SIL1: variants seen among roughly 807,000 people sequenced by gnomAD.
The protein encoded by SIL1 is SIL1 nucleotide exchange factor, also known as nucleotide exchange factor SIL1.
In SIL1, 40 loss-of-function variants were observed where a neutral mutation model predicts 49.1. The ratio of observed to expected loss-of-function variants is 0.81; its 90% confidence interval spans 0.63 to 1.06. SIL1 has a LOEUF of 1.06. Among genes scored for constraint, SIL1 ranks in the 50% least tolerant of loss-of-function variants. The pLI is 0.00. For synonymous variants in SIL1, 253 were observed against 250.8 expected (o/e 1.01, Z -0.08); for missense variants, 500 against 572.6 (o/e 0.87, Z 1.29).
intron 6 of SIL1, chr5:139,021,874 A>G (rs1768537507): frequency 5.4e-6 from 1 of 186,216 alleles, no homozygotes; most frequent in African/African-American, 2.4e-5. Flanking sequence ...ATGCAAGAAA[A>G]TCGCTCTCCC....
chr5:139,116,731 C>T (rs1334832890), intron 3 of SIL1, among the ~76,000 whole-genome samples: 1 of 152,262 alleles, frequency 6.6e-6, no homozygotes, highest in Non-Finnish European at 1.5e-5. Context: ...CCCACCTCAG[C>T]CTCCTGAGTA....
At chr5:139,181,837 T>C (rs1751988441) in intron 1 of SIL1, among the ~76,000 whole-genome samples, 1 of 152,200 alleles carries the variant, frequency 6.6e-6, no homozygotes, top group South Asian at 2.1e-4. Flanking sequence ...CTGCAGACTA[T>C]CAATATGCCT....
intron 7 of SIL1, among the ~76,000 whole-genome samples, chr5:138,976,053 A>G (rs11739351): frequency 0.31 from 47,315 of 152,160 alleles, 7,607 homozygotes; most frequent in Middle Eastern, 0.38. Flanking sequence ...AGAAGAACCA[A>G]ACCTGGTGTC....
chr5:138,996,835 T>A (rs930396971), intron 7 of SIL1, among the ~76,000 whole-genome samples: 1 of 152,152 alleles, frequency 6.6e-6, no homozygotes, highest in African/African-American at 2.4e-5. Context: ...ATTTTTAGCT[T>A]GATGTAATCT....
intron 3 of SIL1, among the ~76,000 whole-genome samples, chr5:139,065,003 G>A (rs1769673566): frequency 6.6e-6 from 1 of 152,162 alleles, no homozygotes; most frequent in East Asian, 1.9e-4. Context: ...CCAGCTATGA[G>A]AAAAAGACCA....
rs190324054 is a variant in SIL1, at chr5:139,184,257, C to T, written c.-11+14012G>A. On this transcript the variant is annotated intron_variant, in intron 1 of 9. Transcript: ENST00000394817. ...GCCTCATTGCTACAAGAACTAAGAA[C>T]AAGGTACATTAATAGGAGACAAAGC... Among the ~76,000 whole-genome samples, 121 of 152,248 alleles carry T rather than the reference C, an allele frequency of 7.9e-4. 1 individual carries two copies. Among genetic ancestry groups the T allele is most frequent in the African/African-American group, 2.8e-3 (116 of 41,538 alleles).
chr5:139,085,778 G>T (rs969219541), intron 3 of SIL1, among the ~76,000 whole-genome samples: 13 of 152,276 alleles, frequency 8.5e-5, no homozygotes, highest in African/African-American at 2.9e-4. Context: ...TGAGGATGAG[G>T]CTGGAAACAC....
At chr5:138,955,357 C>T (rs1446475634) in intron 7 of SIL1, among the ~76,000 whole-genome samples, 1 of 152,198 alleles carries the variant, frequency 6.6e-6, no homozygotes, top group Non-Finnish European at 1.5e-5. Flanking sequence ...GGCAAGTCAG[C>T]TGTCTGTGTG....
intron 3 of SIL1, among the ~76,000 whole-genome samples, chr5:139,080,516 A>AT (rs1770049322): frequency 6.6e-6 from 1 of 152,230 alleles, no homozygotes; most frequent in Non-Finnish European, 1.5e-5. Context: ...AGCTTAAGAC[A>AT]GAAGCATACA....
chr5:138,974,849 T>C (rs1767363134), intron 7 of SIL1, among the ~76,000 whole-genome samples: 1 of 152,220 alleles, frequency 6.6e-6, no homozygotes, highest in Admixed American at 6.5e-5. Flanking sequence ...GAGCTTCATG[T>C]GTATCATCCT....
chr5:138,951,362 G>A, intron 8 of SIL1, 27 bp from the exon 9 acceptor site: 1 of 1,550,824 alleles, frequency 6.4e-7, no homozygotes, highest in Non-Finnish European at 8.7e-7. Flanking sequence ...AGGGGTAGGT[G>A]AGGGGCCAAG....
At chr5:139,025,690 T>C (rs922716163) in intron 6 of SIL1, among the ~76,000 whole-genome samples, 1 of 152,078 alleles carries the variant, frequency 6.6e-6, no homozygotes, top group Non-Finnish European at 1.5e-5. Flanking sequence ...GTCACTCCAA[T>C]CTTTTCCAGG....
At chr5:139,064,282 A>G (rs1356747576) in intron 3 of SIL1, among the ~76,000 whole-genome samples, 1 of 152,236 alleles carries the variant, frequency 6.6e-6, no homozygotes. Context: ...GCCTGCAGCA[A>G]AATTCTTAGG....
intron 1 of SIL1, among the ~76,000 whole-genome samples, chr5:139,134,355 C>T (rs987906347): frequency 1.3e-5 from 2 of 152,120 alleles, no homozygotes; most frequent in Admixed American, 6.5e-5. Flanking sequence ...AGGCTGGTCT[C>T]GAACTCCTGG....
Position 139,008,116 on chromosome 5 carries a change from T to C in SIL1, c.767+13055A>G, listed in dbSNP as rs903191903. The stretch of plus-strand genomic sequence containing the variant: ...TGGACTCTTTTTGGTTGGTAAGCTA[T>C]TGATTATTGCCACAATTTCAGCTCC... On this transcript the variant is annotated intron_variant, in intron 7 of 9. Transcript: ENST00000394817. Among the ~76,000 whole-genome samples, 1,132 of 151,510 alleles carry C rather than the reference T, an allele frequency of 7.5e-3. 13 individuals carry two copies. The highest frequency in any genetic ancestry group is 0.021 in the African/African-American group (878 of 41,338).
intron 1 of SIL1, among the ~76,000 whole-genome samples, chr5:139,165,541 G>C (rs914591419): frequency 5.3e-5 from 8 of 152,048 alleles, no homozygotes; most frequent in Non-Finnish European, 1.2e-4. Context: ...GTAGAAACAG[G>C]GTTTCACCAT....
chr5:139,114,245 C>G (rs1425875385), intron 3 of SIL1, among the ~76,000 whole-genome samples: 1 of 152,220 alleles, frequency 6.6e-6, no homozygotes, highest in South Asian at 2.1e-4. Context: ...CTGGCCTGGC[C>G]TCCACCTGCT....
At chr5:139,062,663 T>G (rs1323206597) in intron 3 of SIL1, among the ~76,000 whole-genome samples, 1 of 152,204 alleles carries the variant, frequency 6.6e-6, no homozygotes, top group African/African-American at 2.4e-5. Flanking sequence ...AGAGTAACGC[T>G]TTCCACAGAC....
intron 1 of SIL1, among the ~76,000 whole-genome samples, chr5:139,166,299 A>T (rs143244002): frequency 1.0e-3 from 152 of 152,314 alleles, no homozygotes; most frequent in African/African-American, 3.4e-3. Context: ...GAGCTGAAAC[A>T]TTCCTATCAC....
Sources: gnomAD v4.1 joint callset for allele counts (sites outside exome capture counted in the v4.1 genomes callset) on GRCh38, gnomAD v4.1.1 for gene constraint, MANE v1.5 for transcripts, NCBI Gene and HGNC (gene_info 2026-07-23, HGNC 2026-07-21) for gene names.